The following FGD1 variants were observed in gnomAD, a reference collection of about 807,000 sequenced individuals.
The protein encoded by FGD1 is FYVE, RhoGEF and PH domain containing 1.
FGD1 carries 12 observed loss-of-function variants against 65.0 expected under a neutral mutation model. The observed-to-expected ratio is 0.18, with a 90% CI of 0.12 to 0.30. The LOEUF (loss-of-function observed/expected upper bound fraction) is 0.30. FGD1 is among the 10% of genes least tolerant of loss of function. The pLI, the probability that FGD1 is intolerant of heterozygous loss-of-function variation, is 1.00. For missense variants in FGD1, 542 were observed against 837.6 expected, an observed-to-expected ratio of 0.65 and a Z score of 4.36; for synonymous variants, 333 against 343.9, an observed-to-expected ratio of 0.97 and a Z score of 0.35.
chrX:54,460,076 C>T (rs1261140625), intron 8 of FGD1, among the ~76,000 whole-genome samples: 1 of 105,071 alleles, frequency 9.5e-6, no homozygotes, highest in Non-Finnish European at 1.9e-5. Flanking sequence ...ACCATCCTGG[C>T]TAACATGGTG....
chrX:54,486,443 T>C (rs1015240404), intron 1 of FGD1, among the ~76,000 whole-genome samples: 6 of 111,477 alleles, frequency 5.4e-5, no homozygotes. Flanking sequence ...AGACAGGTTT[T>C]CACCATGTTG....
At chrX:54,451,886 T>C (rs1021541160) in intron 12 of FGD1, among the ~76,000 whole-genome samples, 33 of 108,901 alleles carry the variant, frequency 3.0e-4, no homozygotes, top group Non-Finnish European at 4.8e-4. Flanking sequence ...AGAGAGAAAC[T>C]GCGACTCAAA....
At chrX:54,448,471 C>G (rs1412845631) in intron 16 of FGD1, among the ~76,000 whole-genome samples, 1 of 112,194 alleles carries the variant, frequency 8.9e-6, no homozygotes, top group Non-Finnish European at 1.9e-5. Flanking sequence ...CAGGCATGAG[C>G]CACTGTGCCC....
chrX:54,466,351 G>C (rs1024968098), intron 6 of FGD1, among the ~76,000 whole-genome samples: 2 of 111,875 alleles, frequency 1.8e-5, no homozygotes, highest in East Asian at 5.7e-4. Context: ...TAGGAACCAG[G>C]CTTCATGCTG....
intron 17 of FGD1, among the ~76,000 whole-genome samples, chrX:54,446,995 A>T (rs760039719): frequency 5.4e-5 from 6 of 111,082 alleles, no homozygotes; most frequent in Non-Finnish European, 1.1e-4. Context: ...GAGTGCTGGG[A>T]TTACAGGCGT....
intron 8 of FGD1, among the ~76,000 whole-genome samples, chrX:54,461,457 C>T (rs367645257): frequency 2.3e-4 from 25 of 106,984 alleles, no homozygotes; most frequent in East Asian, 1.5e-3. Context: ...AAAAATTAGC[C>T]GGGCGCGGTG....
intron 4 of FGD1, 26 bp downstream of exon 4, chrX:54,469,990 G>A (rs774360274): frequency 4.1e-5 from 49 of 1,189,898 alleles, no homozygotes; most frequent in Non-Finnish European, 5.6e-5. Context: ...ACATGGACCT[G>A]CCTCTCGGTG....
chrX:54,446,338 C>G lies in FGD1; in HGVS notation c.2657G>C (p.Arg886Thr). 8.3e-7 allele frequency: 1 copy of G among 1,211,098 alleles called. No individual in the cohort carries two copies. Among genetic ancestry groups the G allele is most frequent in the Non-Finnish European group, 1.1e-6 (1 of 895,109 alleles). The change falls in exon 18 of 18, where the codon AGA becomes ACA. Residue 886 changes from arginine to threonine, a missense_variant. Transcript: ENST00000375135. Reference sequence around the variant, plus strand: ...CTGGGTGATCTTGAAGACATGCCTTCTGTCAGGCCGCTCCCCTGCCTCGGG... The same window carrying G: ...CTGGGTGATCTTGAAGACATGCCTTGTGTCAGGCCGCTCCCCTGCCTCGGG... Reference protein sequence around the residue: ...GPPEAGERPDRRHVFKITQSH... With the variant: ...GPPEAGERPDTRHVFKITQSH...
chrX:54,455,364 C>A, intron 12 of FGD1, 84 bp downstream of exon 12: 1 of 766,189 alleles, frequency 1.3e-6, no homozygotes, highest in Non-Finnish European at 2.0e-6. Flanking sequence ...TTCTCTGGAA[C>A]AATCTCTGGG....
chrX:54,494,743 G>C (rs1923489194), intron 1 of FGD1, among the ~76,000 whole-genome samples: 1 of 111,340 alleles, frequency 9.0e-6, no homozygotes, highest in Admixed American at 9.6e-5. Flanking sequence ...TAGGCGCTTG[G>C]CAAATGTAAG....
chrX:54,482,196 G>C (rs765826615), intron 1 of FGD1, among the ~76,000 whole-genome samples: 1 of 109,956 alleles, frequency 9.1e-6, no homozygotes, highest in Non-Finnish European at 1.9e-5. Context: ...ATAGATCCAC[G>C]GGGACAAAGA....
intron 8 of FGD1, among the ~76,000 whole-genome samples, chrX:54,460,574 C>T (rs1465444830): frequency 1.8e-5 from 2 of 111,604 alleles, no homozygotes; most frequent in African/African-American, 6.5e-5. Context: ...AACACTGTCT[C>T]TACCCAAAAT....
At chrX:54,450,542 G>C (rs919226880) in intron 12 of FGD1, among the ~76,000 whole-genome samples, 3 of 111,381 alleles carry the variant, frequency 2.7e-5, no homozygotes, top group Non-Finnish European at 5.6e-5. Flanking sequence ...CTGCCCTCAA[G>C]GAGCTCATGG....
chrX:54,489,943 C>T (rs1250527179), intron 1 of FGD1, among the ~76,000 whole-genome samples: 1 of 112,032 alleles, frequency 8.9e-6, no homozygotes, highest in African/African-American at 3.2e-5. Flanking sequence ...AAATGCCCAT[C>T]AATAGTAGAC....
chrX:54,464,578 A>G (rs1420263326), intron 8 of FGD1, among the ~76,000 whole-genome samples: 1 of 111,622 alleles, frequency 9.0e-6, no homozygotes, highest in Non-Finnish European at 1.9e-5. Flanking sequence ...GGTGCTCAGT[A>G]AGTAGCTGTT....
intron 6 of FGD1, among the ~76,000 whole-genome samples, chrX:54,466,778 C>T (rs1232263300): frequency 9.5e-6 from 1 of 104,750 alleles, no homozygotes; most frequent in African/African-American, 3.5e-5. Context: ...TTGAGAGAGT[C>T]TTGCTCTGTT....
intron 4 of FGD1, among the ~76,000 whole-genome samples, chrX:54,469,109 C>T (rs926713078): frequency 6.3e-5 from 7 of 111,425 alleles, no homozygotes; most frequent in African/African-American, 2.0e-4. Context: ...CTCAACAACT[C>T]ATTCACCCGC....
At chrX:54,461,600 C>CAAAAAAAAAAAAAAAAAAAAAAA (rs1165040158) in intron 8 of FGD1, among the ~76,000 whole-genome samples, 1 of 18,050 alleles carries the variant, frequency 5.5e-5, no homozygotes, top group Non-Finnish European at 1.4e-4. Context: ...GACTCTGTCT[C>CAAAAAAAAAAAAAAAAAAAAAAA]AAAAAAAAAA....
At chrX:54,466,234 C>A (rs189284511) in intron 6 of FGD1, among the ~76,000 whole-genome samples, 1 of 111,866 alleles carries the variant, frequency 8.9e-6, no homozygotes, top group Non-Finnish European at 1.9e-5. Flanking sequence ...GTAGGTGAGA[C>A]AAAGAGACCA....
Sources: gnomAD v4.1 joint callset for allele counts (sites outside exome capture counted in the v4.1 genomes callset) on GRCh38, gnomAD v4.1.1 for gene constraint, MANE v1.5 for transcripts, NCBI Gene and HGNC (gene_info 2026-07-23, HGNC 2026-07-21) for gene names.